CDH4: variants seen among roughly 807,000 people sequenced by gnomAD.
The protein encoded by CDH4 is cadherin 4.
In CDH4, 33 loss-of-function variants were observed where a neutral mutation model predicts 86.0. The ratio of observed to expected loss-of-function variants is 0.38; its 90% CI spans 0.29 to 0.51. The LOEUF is 0.51. Among genes scored for constraint, CDH4 ranks in the 20% least tolerant of loss-of-function variants. The probability of loss-of-function intolerance (pLI) is 0.86; values close to 1 mark genes in which losing one functional copy is unlikely to be tolerated. For synonymous variants in CDH4, 555 were observed against 549.4 expected (o/e 1.01, Z -0.14); for missense variants, 1,114 against 1,307.4 (o/e 0.85, Z 2.28).
At chr20:61,508,897 G>A (rs2085760158) in intron 2 of CDH4, among the ~76,000 whole-genome samples, 2 of 152,220 alleles carry the variant, frequency 1.3e-5, no homozygotes, top group South Asian at 2.1e-4. Context: ...TCAGGAAGCT[G>A]GGTTCCACCC....
At position 61,754,802 on chromosome 20, in the gene CDH4, C is replaced by T. The variant is rs560735721; in HGVS notation, c.396+11013C>T. ...CCACACACACACTGCACGCCACACA[C>T]ACCACACACACGATGCATGCCACAC... On this transcript the variant is annotated intron_variant, in intron 3 of 15. Coordinates refer to ENST00000614565, the MANE Select transcript of CDH4 (RefSeq NM_001794.5). This position sits in a 1 kb window ranked among gnomAD's most constrained non-coding sequence, Gnocchi z 4.7. Among the ~76,000 whole-genome samples the T allele has an allele frequency of 1.7e-4, 26 of 151,124 alleles. 1 individual carries two copies. The highest frequency in any genetic ancestry group is 3.3e-4 in the Admixed American group (5 of 15,190).
chr20:61,931,958 G>A (rs900905269), intron 13 of CDH4, among the ~76,000 whole-genome samples: 2 of 152,130 alleles, frequency 1.3e-5, no homozygotes, highest in African/African-American at 4.8e-5. Flanking sequence ...GGTACTGGGT[G>A]GGGCTGCCCT....
In CDH4 at chr20:61,929,605, C is replaced by G; in HGVS notation, c.2006-4C>G. The stretch of plus-strand genomic sequence containing the variant: ...GTTGAATGTTTACTGTTGCTTTGCA[C>G]CAGGTGACTATGCCCAACTCAGCTT... On this transcript the variant is annotated splice_region_variant and splice_polypyrimidine_tract_variant and intron_variant, in intron 12 of 15. Coordinates refer to ENST00000614565, the MANE Select transcript of CDH4 (RefSeq NM_001794.5). The G allele has an allele frequency of 6.2e-7, 1 of 1,610,324 alleles. No individual in the cohort carries two copies. Among genetic ancestry groups the G allele is most frequent in the Non-Finnish European group, 8.5e-7 (1 of 1,176,834 alleles).
chr20:61,738,389 A>C (rs1159936439), intron 2 of CDH4: 1 of 151,246 alleles, frequency 6.6e-6, no homozygotes, highest in Non-Finnish European at 1.5e-5. Context: ...CCCCAGGAGG[A>C]TTTCCCTCTG....
intron 2 of CDH4, among the ~76,000 whole-genome samples, chr20:61,305,729 C>T (rs1184134942): frequency 1.3e-5 from 2 of 152,160 alleles, no homozygotes; most frequent in African/African-American, 2.4e-5. Context: ...ACATCAAGAT[C>T]GAAGGGAGCC....
chr20:61,857,953 CTG>C (rs1003811804), intron 6 of CDH4, among the ~76,000 whole-genome samples: 5 of 116,986 alleles, frequency 4.3e-5, no homozygotes, highest in East Asian at 6.1e-4. Flanking sequence ...GTCTCTGTGT[CTG>C]TGTGTGTCTC....
intron 3 of CDH4, among the ~76,000 whole-genome samples, chr20:61,768,378 A>G (rs1391798201): frequency 6.6e-6 from 1 of 152,196 alleles, no homozygotes; most frequent in East Asian, 1.9e-4. Context: ...GCGTACATGC[A>G]TGCATACATG....
intron 2 of CDH4, among the ~76,000 whole-genome samples, chr20:61,304,746 C>T (rs1330902911): frequency 4.6e-5 from 7 of 150,982 alleles, no homozygotes; most frequent in African/African-American, 1.5e-4. Context: ...GTGTGTTTTG[C>T]ATGCAGTGTG....
chr20:61,615,818 A>C (rs1281210791), intron 2 of CDH4, among the ~76,000 whole-genome samples: 2 of 152,224 alleles, frequency 1.3e-5, no homozygotes, highest in East Asian at 3.9e-4. Context: ...GTGAGGACAA[A>C]GGGAGCTGGG....
chr20:61,662,236 G>A (rs762772418), intron 2 of CDH4, among the ~76,000 whole-genome samples: 18 of 152,184 alleles, frequency 1.2e-4, no homozygotes, highest in Admixed American at 7.2e-4. Flanking sequence ...TTCCAAACTG[G>A]ACCTGCGCTG....
intron 7 of CDH4, among the ~76,000 whole-genome samples, chr20:61,893,580 G>T (rs1478769250): frequency 1.8e-4 from 27 of 150,768 alleles, no homozygotes; most frequent in Admixed American, 1.6e-3. Flanking sequence ...TGGGTGGGTA[G>T]GTGGGTGGAT....
chr20:61,609,851 AT>A (rs2086671727), intron 2 of CDH4, among the ~76,000 whole-genome samples: 2 of 151,754 alleles, frequency 1.3e-5, no homozygotes, highest in South Asian at 2.1e-4. Flanking sequence ...TTTTTCTTCT[AT>A]TTTTTTCTTT....
At chr20:61,549,914 C>G (rs533013585) in intron 2 of CDH4, among the ~76,000 whole-genome samples, 1 of 152,196 alleles carries the variant, frequency 6.6e-6, no homozygotes, top group Non-Finnish European at 1.5e-5. Flanking sequence ...GCTGCCACCC[C>G]CCTCAGTGAA....
rs1055766769 is a variant in CDH4 at position 61,681,032 on chromosome 20, C to T, written c.170-62531C>T. 3.3e-5 allele frequency among the ~76,000 whole-genome samples: 5 copies of T among 152,202 alleles called. No homozygotes were observed. Among genetic ancestry groups the T allele is most frequent in the Admixed American group, 6.5e-5 (1 of 15,284 alleles). Reference sequence around the variant, plus strand: ...TTTCTTTGGGAAGACAAATAGGTGACATTCCAGAAAGAAACATGTAGCTTC... The same window carrying T: ...TTTCTTTGGGAAGACAAATAGGTGATATTCCAGAAAGAAACATGTAGCTTC... On this transcript the variant is annotated intron_variant, in intron 2 of 15. Coordinates refer to ENST00000614565, the MANE Select transcript of CDH4 (RefSeq NM_001794.5). This position sits in a 1 kb window ranked among gnomAD's most constrained non-coding sequence, Gnocchi z 4.5.
At chr20:61,925,264 C>T (rs751421012) in intron 11 of CDH4, among the ~76,000 whole-genome samples, 29 of 152,172 alleles carry the variant, frequency 1.9e-4, no homozygotes, top group South Asian at 2.1e-4. Context: ...AGTAACCCTG[C>T]GAACTGGCCG....
intron 2 of CDH4, among the ~76,000 whole-genome samples, chr20:61,402,008 C>T (rs1040349758): frequency 2.0e-5 from 3 of 152,214 alleles, no homozygotes; most frequent in African/African-American, 4.8e-5. Context: ...AGTGGTTGCT[C>T]AGATGTTGTT....
Position 61,903,367 on chromosome 20 carries a change from G to A in CDH4, c.1189-7055G>A, listed in dbSNP as rs1360470043. Among the ~76,000 whole-genome samples the A allele has an allele frequency of 5.3e-5, 8 of 152,148 alleles. No homozygotes were observed. The South Asian group carries it at 1.5e-3, about 28-fold the overall frequency. On this transcript the variant is annotated intron_variant, in intron 8 of 15. Transcript: ENST00000614565. ...TCAAGATCAGCCTGGCCAACATGGT[G>A]AAACCCCGTCTCTACAAAAATACAA...
intron 2 of CDH4, among the ~76,000 whole-genome samples, chr20:61,340,566 T>C (rs1223920422): frequency 6.6e-6 from 1 of 152,032 alleles, no homozygotes; most frequent in African/African-American, 2.4e-5. Flanking sequence ...AAACAAGTGT[T>C]TGTTTCTTTT....
intron 2 of CDH4, among the ~76,000 whole-genome samples, chr20:61,716,142 C>T (rs1160031853): frequency 2.0e-5 from 3 of 152,204 alleles, no homozygotes; most frequent in African/African-American, 4.8e-5. Context: ...TTGGCTGGAG[C>T]TGTAAAGGGG....
Sources: allele counts gnomAD v4.1 joint callset (sites outside exome capture counted in the v4.1 genomes callset), GRCh38; gene constraint gnomAD v4.1.1; non-coding constraint Gnocchi (gnomAD v3.1); transcripts MANE v1.5; gene names NCBI Gene and HGNC (gene_info 2026-07-23, HGNC 2026-07-21).